FAT2: variants seen among roughly 807,000 people sequenced by gnomAD.
FAT2 encodes the protein protocadherin Fat 2.
A neutral mutation model predicts 295.3 loss-of-function variants in FAT2; 150 were observed. That is an observed-to-expected ratio of 0.51 (90% CI 0.44 to 0.58). The LOEUF (loss-of-function observed/expected upper bound fraction) is 0.58, where lower values mean the gene tolerates loss of function less well. FAT2 is among the 20% of genes least tolerant of loss of function. The pLI is 0.00. For missense variants in FAT2, 4,868 were observed against 5,442.7 expected, an observed-to-expected ratio of 0.89 and a Z score of 3.32; for synonymous variants, 2,026 against 2,150.3, an observed-to-expected ratio of 0.94 and a Z score of 1.60.
At position 151,505,340 on chromosome 5, in the gene FAT2, T is replaced by G; in HGVS notation, c.*225A>C. On this transcript the variant is annotated 3_prime_UTR_variant, in exon 24 of 24. Transcript: ENST00000261800. Reference sequence around the variant, plus strand: ...AGGGTCACTGCTCTAGAAATGCCCCTCTCCTGGGACCCTAGTGCTGTTTCT... The same window carrying G: ...AGGGTCACTGCTCTAGAAATGCCCCGCTCCTGGGACCCTAGTGCTGTTTCT... The G allele has an allele frequency of 1.7e-6, 1 of 592,350 alleles. No individual in the cohort carries two copies. The highest frequency in any genetic ancestry group is 3.2e-5 in the Admixed American group (1 of 31,268). 36.7% of individuals were successfully genotyped at this position (592,350 alleles called of 1,614,324 possible).
In FAT2 at chr5:151,512,035, C is replaced by A; in HGVS notation, c.11905+130G>T. The A allele has an allele frequency of 1.3e-6, 1 of 783,196 alleles. No homozygotes were observed. Among genetic ancestry groups the A allele is most frequent in the Non-Finnish European group, 2.0e-6 (1 of 488,786 alleles). The allele number at this position is 783,196 out of a possible 1,614,324, so 48.5% of individuals were successfully genotyped here. On this transcript the variant is annotated intron_variant, in intron 21 of 23. Transcript: ENST00000261800. This position sits in a 1 kb window ranked among gnomAD's most constrained non-coding sequence, Gnocchi z 4.1. ...AGATATTGCAGATTCCAACCTGTTA[C>A]TCACAAGTTAGGGGAAGAGAGAGAA...
intron 1 of FAT2, among the ~76,000 whole-genome samples, chr5:151,579,036 G>A (rs1170329599): frequency 6.6e-6 from 1 of 152,188 alleles, no homozygotes; most frequent in Non-Finnish European, 1.5e-5. Flanking sequence ...TCCATTTGGA[G>A]TTGAAAAATT....
At chr5:151,588,742 G>A (rs1368369) in intron 1 of FAT2, among the ~76,000 whole-genome samples, 132,302 of 152,236 alleles carry the variant, frequency 0.87, 57,750 homozygotes, top group South Asian at 0.91. Flanking sequence ...CAGTCTTAGG[G>A]AGGAACACTT....
At chr5:151,526,366 G>T (rs752961503) in intron 17 of FAT2, among the ~76,000 whole-genome samples, 17 of 152,218 alleles carry the variant, frequency 1.1e-4, no homozygotes, top group Non-Finnish European at 2.2e-4. Flanking sequence ...ACTTATAAAT[G>T]ATTTCTTCCT....
Position 151,512,251 on chromosome 5 carries a change from G to C in FAT2, c.11819C>G (p.Ala3940Gly), listed in dbSNP as rs746102336. The change falls in exon 21 of 24, where the codon GCC becomes GGC. Residue 3940 changes from alanine to glycine, a missense_variant. Ala to Gly is a moderately conservative substitution (Grantham distance 60, BLOSUM62 0). This residue lies in a region of FAT2 where 1,046 missense variants were observed against 1,210.1 expected (regional missense o/e 0.86). Transcript: ENST00000261800. This position sits in a 1 kb window ranked among gnomAD's most constrained non-coding sequence, Gnocchi z 4.1. ...KTVAGLLETQ[A>G]LTQCCLHSDY... ...ACTGTGGAGGCAGCACTGGGTGAGG[G>C]CTTGTGTCTCCAGCAAGCCTGCCAC... The C allele has an allele frequency of 9.9e-6, 16 of 1,614,096 alleles. No individual in the cohort carries two copies. Among genetic ancestry groups the C allele is most frequent in the South Asian group, 6.6e-5 (6 of 91,080 alleles).
intron 5 of FAT2, among the ~76,000 whole-genome samples, chr5:151,553,630 A>G (rs1757425056): frequency 6.6e-6 from 1 of 152,254 alleles, no homozygotes; most frequent in South Asian, 2.1e-4. Flanking sequence ...TATAAAAATA[A>G]TAAATGCCAC....
intron 4 of FAT2, 88 bp downstream of exon 4, chr5:151,556,256 C>T: frequency 2.7e-6 from 3 of 1,125,328 alleles, no homozygotes; most frequent in Non-Finnish European, 4.1e-6. Context: ...CCAGACCCTC[C>T]TCAGCCACAG....
Position 151,507,566 on chromosome 5 carries a change from G to A in FAT2, c.12105C>T (p.Val4035=). The A allele has an allele frequency of 6.2e-7, 1 of 1,613,882 alleles. No individual in the cohort carries two copies. Among genetic ancestry groups the A allele is most frequent in the Non-Finnish European group, 8.5e-7 (1 of 1,179,988 alleles). The change falls in exon 23 of 24, where the codon GTC becomes GTT. Residue 4035 remains valine, a synonymous_variant. Transcript: ENST00000261800. ...ARGCSEGHCL[V]TPEIQRGDWG... is the part of the protein sequence containing the mutation. ...AGTCCCCCCTTTGGATCTCGGGAGT[G>A]ACTAGGCAGTGTCCTTCTGAACAAC...
Position 151,566,006 on chromosome 5 carries a change from G to C in FAT2, c.2926C>G (p.Leu976Val). The stretch of plus-strand genomic sequence containing the variant: ...TCCAGAATGAGCGCCCCTGTCATCA[G>C]GTCCACCCGGAAGGTCCCATGGGCG... Reference protein sequence around the residue: ...DGAHGTFRVDLMTGALILERE... With the variant: ...DGAHGTFRVDVMTGALILERE... The change falls in exon 2 of 24, where the codon CTG (leucine) becomes GTG (valine). Residue 976 changes from leucine (L) to valine (V), a missense_variant. By Grantham distance (32) the Leu-to-Val change is conservative. Around this residue, in one of 5 missense-constraint regions of FAT2, gnomAD observed 3,297 missense variants for 3,669.4 expected, o/e 0.90. Coordinates refer to ENST00000261800, the MANE Select transcript of FAT2 (RefSeq NM_001447.3). 1.2e-6 allele frequency: 2 copies of C among 1,614,120 alleles called. No individual in the cohort carries two copies. The highest frequency in any genetic ancestry group is 1.1e-5 in the South Asian group (1 of 91,078).
chr5:151,593,244 G>A (rs1391888111), upstream of FAT2, among the ~76,000 whole-genome samples: 1 of 152,232 alleles, frequency 6.6e-6, no homozygotes, highest in African/African-American at 2.4e-5. Flanking sequence ...AGGAAGGGTG[G>A]CGGGGCAGCC....
intron 18 of FAT2, among the ~76,000 whole-genome samples, chr5:151,525,109 G>A (rs1452898769): frequency 3.3e-5 from 5 of 152,292 alleles, no homozygotes; most frequent in South Asian, 2.1e-4. Flanking sequence ...AATACTTGTC[G>A]AGAGATGGAC....
At chr5:151,537,454 G>T (rs1257075307) in intron 12 of FAT2, among the ~76,000 whole-genome samples, 2 of 147,238 alleles carry the variant, frequency 1.4e-5, no homozygotes, top group African/African-American at 5.0e-5. Context: ...GGAGGGGAGG[G>T]GAGGGAAGGA....
intron 3 of FAT2, among the ~76,000 whole-genome samples, chr5:151,559,042 G>T (rs1757905739): frequency 6.6e-6 from 1 of 152,206 alleles, no homozygotes; most frequent in Non-Finnish European, 1.5e-5. Flanking sequence ...TGAGATAATG[G>T]AATTAAGTGT....
At chr5:151,515,266 C>G (rs1267283185) in intron 20 of FAT2, among the ~76,000 whole-genome samples, 1 of 152,208 alleles carries the variant, frequency 6.6e-6, no homozygotes. Flanking sequence ...TACTCATGTT[C>G]AGTCTCCTTT....
chr5:151,584,052 CAAAGAAGACTTTAATTAAA>C (rs1417153631), intron 1 of FAT2, among the ~76,000 whole-genome samples: 1 of 140,902 alleles, frequency 7.1e-6, no homozygotes, highest in African/African-American at 2.6e-5. Flanking sequence ...TAAAGGACTT[CAAAGAAGACTTTAATTAAA>C]AAAGAAGACA....
chr5:151,569,156 A>G (rs1758426133), intron 1 of FAT2, among the ~76,000 whole-genome samples: 4 of 152,188 alleles, frequency 2.6e-5, no homozygotes. Context: ...CCTACAATGC[A>G]TAGGACAGTG....
intron 5 of FAT2, 36 bp from the exon 6 acceptor site, chr5:151,553,423 G>A (rs1187848124): frequency 1.3e-6 from 2 of 1,595,960 alleles, no homozygotes; most frequent in Admixed American, 3.4e-5. Context: ...GAGGTTTGGG[G>A]CCAAGAGACA....
At chr5:151,592,965 C>T (rs1561894894), upstream of FAT2, among the ~76,000 whole-genome samples, 1 of 152,218 alleles carries the variant, frequency 6.6e-6, no homozygotes, top group African/African-American at 2.4e-5. Flanking sequence ...GACCTGTCAC[C>T]AGCATCCAGG....
rs1561855691 is a variant in FAT2, at chr5:151,545,973, C to T, written c.5154G>A (p.Leu1718=). The change falls in exon 10 of 24, where the codon TTG becomes TTA. Residue 1718 remains leucine (L), a synonymous_variant. Transcript: ENST00000261800. ...GGTAAGACGAGATTTTCTCATGGTC[C>T]AATTTCTTCTGGGTGGAAATAAGGC... ...YSGLISTQKK[L]DHEKISSYQL... is the part of the protein sequence containing the mutation. 6.2e-7 allele frequency: 1 copy of T among 1,614,134 alleles called. No individual in the cohort carries two copies.
Sources: allele counts gnomAD v4.1 joint callset (sites outside exome capture counted in the v4.1 genomes callset), GRCh38; gene constraint gnomAD v4.1.1; regional missense constraint gnomAD v4.1.1; non-coding constraint Gnocchi (gnomAD v3.1); transcripts MANE v1.5; gene names NCBI Gene and HGNC (gene_info 2026-07-23, HGNC 2026-07-21).